The following GRTP1 variants were observed in gnomAD, a reference collection of about 807,000 sequenced individuals.
The protein encoded by GRTP1 is growth hormone-regulated TBC protein 1.
In GRTP1, 56 loss-of-function variants were observed where a neutral mutation model predicts 38.1. The observed-to-expected ratio is 1.47, with a 90% CI of 1.19 to 1.84. GRTP1 has a LOEUF of 1.84. Among genes scored for constraint, GRTP1 ranks in the 40% most tolerant of loss-of-function variants. The pLI is 0.00. For missense variants in GRTP1, 506 were observed against 453.9 expected, an observed-to-expected ratio of 1.11 and a Z score of -1.04; for synonymous variants, 217 against 189.5, an observed-to-expected ratio of 1.14 and a Z score of -1.19.
chr13:113,355,295 C>G, intron 3 of GRTP1, 28 bp downstream of exon 3: 3 of 1,610,046 alleles, frequency 1.9e-6, no homozygotes, highest in Non-Finnish European at 2.5e-6. Flanking sequence ...CCGGGCCCTG[C>G]ACCAGAGCTC....
rs944105045 is a variant in GRTP1, at chr13:113,342,400, C to A, written c.562+2463G>T. On this transcript the variant is annotated intron_variant, in intron 5 of 7. Coordinates refer to ENST00000375431, the MANE Select transcript of GRTP1 (RefSeq NM_024719.4). The surrounding 1 kb of genome is among the most constrained non-coding windows in gnomAD (Gnocchi z 4.5). ...GCGGGCGCCTGTAGTCCCAGCTACT[C>A]GGGAGGCTGAGGCAGGAGAATGGCG... 6.6e-6 allele frequency among the ~76,000 whole-genome samples: 1 copy of A among 151,636 alleles called. No homozygotes were observed. The highest frequency in any genetic ancestry group is 1.5e-5 in the Non-Finnish European group (1 of 67,926).
chr13:113,338,164 C>A (rs1434648604), intron 5 of GRTP1, among the ~76,000 whole-genome samples: 1 of 152,202 alleles, frequency 6.6e-6, no homozygotes, highest in Non-Finnish European at 1.5e-5. Context: ...CGGGACCCAT[C>A]GCCCGCCCGG....
At chr13:113,326,198 C>A in intron 5 of GRTP1, 107 bp from the exon 6 acceptor site, 1 of 1,382,720 alleles carries the variant, frequency 7.2e-7, no homozygotes, top group South Asian at 1.3e-5. Flanking sequence ...GGGAGGACCC[C>A]TCCCAAGAGG....
At chr13:113,329,487 G>A (rs2042825820) in intron 5 of GRTP1, among the ~76,000 whole-genome samples, 1 of 152,310 alleles carries the variant, frequency 6.6e-6, no homozygotes, top group South Asian at 2.1e-4. Flanking sequence ...TCAGGAGGCT[G>A]AGCAGGAGAA....
In GRTP1 at chr13:113,355,248, G is replaced by C. The variant is rs535577265; in HGVS notation, c.340+75C>G. 3.3e-6 allele frequency: 5 copies of C among 1,514,518 alleles called. No homozygotes were observed. In the East Asian group the frequency reaches 9.1e-5, roughly 27 times the overall value. 93.8% of individuals were successfully genotyped at this position (1,514,518 alleles called of 1,614,324 possible). ...CGCACCGCTCACCCCTGGACGCTGA[G>C]GCTAGACACTGGGTGGAAACCGGTT... On this transcript the variant is annotated intron_variant, in intron 3 of 7. Transcript: ENST00000375431.
At chr13:113,356,628 G>T (rs1002983801) in intron 2 of GRTP1, among the ~76,000 whole-genome samples, 2 of 152,114 alleles carry the variant, frequency 1.3e-5, no homozygotes, top group Non-Finnish European at 2.9e-5. Context: ...AAGAAAAGAA[G>T]GCATATGCAA....
chr13:113,351,351 G>C (rs1263906965), intron 3 of GRTP1, among the ~76,000 whole-genome samples: 1 of 152,248 alleles, frequency 6.6e-6, no homozygotes, highest in Non-Finnish European at 1.5e-5. Flanking sequence ...AGGACCCAGG[G>C]TGACAGGTGG....
chr13:113,344,374 T>C, intron 5 of GRTP1, among the ~76,000 whole-genome samples: 1 of 152,204 alleles, frequency 6.6e-6, no homozygotes, highest in Admixed American at 6.5e-5. Flanking sequence ...GCCACTCACA[T>C]GGGTTTCTCC....
chr13:113,338,842 T>G (rs900620777), intron 5 of GRTP1, among the ~76,000 whole-genome samples: 8 of 152,102 alleles, frequency 5.3e-5, no homozygotes, highest in African/African-American at 1.9e-4. Context: ...GTCTCTATTT[T>G]GTAAATTGCC....
At chr13:113,324,852 A>C (rs938192449) in intron 7 of GRTP1, 7 of 1,103,450 alleles carry the variant, frequency 6.3e-6, no homozygotes, top group Non-Finnish European at 7.8e-6. Context: ...TTTGAGACAG[A>C]GTCTCACTCT....
At chr13:113,351,047 G>A in intron 3 of GRTP1, 74 bp from the exon 4 acceptor site, 3 of 1,596,128 alleles carry the variant, frequency 1.9e-6, no homozygotes, top group Non-Finnish European at 2.6e-6. Context: ...CTGCCCCGAG[G>A]GTGGCCACCT....
At chr13:113,362,254 C>T (rs2043512441) in intron 2 of GRTP1, among the ~76,000 whole-genome samples, 1 of 152,102 alleles carries the variant, frequency 6.6e-6, no homozygotes, top group African/African-American at 2.4e-5. Context: ...CACTTGAACC[C>T]AGGAGGTGGA....
rs1329397507 is a variant in GRTP1, at chr13:113,330,954, GGTGTGTGCATGGGAGCCCA to G, written c.563-4882_563-4864del. The stretch of plus-strand genomic sequence containing the variant: ...GCCCAGGTGTGTGCATGGAAAACCA[GGTGTGTGCATGGGAGCCCA>G]GTGTGTGCATGGGAGCCCAGGCGTG... On this transcript the variant is annotated intron_variant, in intron 5 of 7. Transcript: ENST00000375431. 7.6e-5 allele frequency among the ~76,000 whole-genome samples: 11 copies of G among 143,918 alleles called. No homozygotes were observed. In the East Asian group the frequency reaches 1.3e-3, roughly 17 times the overall value. The allele number at this position is 143,918 out of a possible 152,430, so 94.4% of individuals were successfully genotyped here.
chr13:113,333,278 T>C (rs1020563080), intron 5 of GRTP1, among the ~76,000 whole-genome samples: 6 of 152,130 alleles, frequency 3.9e-5, no homozygotes, highest in African/African-American at 1.4e-4. Context: ...CCCGGGGCAA[T>C]GCTAAGACAC....
chr13:113,324,808 A>T, intron 7 of GRTP1: 5 of 1,266,594 alleles, frequency 3.9e-6, no homozygotes, highest in Non-Finnish European at 5.0e-6. Context: ...GTGGAAGAAA[A>T]GGCCATCTGC....
At position 113,325,748 on chromosome 13, in the gene GRTP1, C is replaced by G. The variant is rs745754750; in HGVS notation, c.834G>C (p.Leu278Phe). 2 of 1,614,210 alleles carry G rather than the reference C, an allele frequency of 1.2e-6. No homozygotes were observed. Among genetic ancestry groups the G allele is most frequent in the South Asian group, 2.2e-5 (2 of 91,084 alleles). Residue 278 changes from leucine to phenylalanine, a missense_variant, in exon 7 of 8, where the codon TTG becomes TTC. Transcript: ENST00000375431. Reference protein sequence around the residue: ...TLIKQHQELILEATSVPDICD... With the variant: ...TLIKQHQELIFEATSVPDICD... The stretch of plus-strand genomic sequence containing the variant: ...AAATGTCTGGAACGCTGGTGGCTTC[C>G]AAAATCAACTCCTGGTGCTGCTTAA...
At chr13:113,326,145 C>T (rs1257816262) in intron 5 of GRTP1, 54 bp from the exon 6 acceptor site, 67 of 1,587,500 alleles carry the variant, frequency 4.2e-5, no homozygotes, top group Non-Finnish European at 5.5e-5. Context: ...CCTCCACAAG[C>T]CCCATTCCCC....
chr13:113,338,938 A>T (rs1258927356), intron 5 of GRTP1, among the ~76,000 whole-genome samples: 1 of 116,954 alleles, frequency 8.6e-6, no homozygotes, highest in Non-Finnish European at 1.7e-5. Flanking sequence ...TTTGAGACGG[A>T]GCTTCACTCT....
At chr13:113,355,263 G>A (rs2043361570) in intron 3 of GRTP1, 60 bp downstream of exon 3, 1 of 1,574,010 alleles carries the variant, frequency 6.4e-7, no homozygotes, top group Non-Finnish European at 8.7e-7. Flanking sequence ...GACACTGGGT[G>A]GAAACCGGTT....
Sources: allele counts gnomAD v4.1 joint callset (sites outside exome capture counted in the v4.1 genomes callset), GRCh38; gene constraint gnomAD v4.1.1; non-coding constraint Gnocchi (gnomAD v3.1); transcripts MANE v1.5; gene names NCBI Gene and HGNC (gene_info 2026-07-23, HGNC 2026-07-21).